Variants in RBFOX1 observed in about 807,000 individuals in gnomAD.
RBFOX1 encodes the protein RNA binding fox-1 homolog 1.
Under a neutral mutation model 57.7 loss-of-function variants are expected in RBFOX1, and 8 were observed. The ratio of observed to expected loss-of-function variants is 0.14; its 90% CI spans 0.08 to 0.25. The LOEUF (loss-of-function observed/expected upper bound fraction) is 0.25, where lower values mean the gene tolerates loss of function less well. Among genes scored for constraint, RBFOX1 ranks in the 10% least tolerant of loss-of-function variants. The pLI, the probability that RBFOX1 is intolerant of heterozygous loss-of-function variation, is 1.00. For synonymous variants in RBFOX1, 326 were observed against 222.4 expected, an observed-to-expected ratio of 1.47 and a Z score of -4.15; for missense variants, 611 against 548.5, an observed-to-expected ratio of 1.11 and a Z score of -1.14.
At chr16:6,500,153 T>A (rs539568125) in intron 2 of RBFOX1, among the ~76,000 whole-genome samples, 1 of 152,326 alleles carries the variant, frequency 6.6e-6, no homozygotes, top group African/African-American at 2.4e-5. Flanking sequence ...TAGAAACCTT[T>A]GAGTCACGCC....
intron 4 of RBFOX1, among the ~76,000 whole-genome samples, chr16:7,402,244 G>C (rs78654981): frequency 0.066 from 10,104 of 152,220 alleles, 434 homozygotes; most frequent in East Asian, 0.19. Context: ...CTGTAAGGGA[G>C]GGTCAACTAA....
At chr16:6,745,461 C>A (rs1006788722) in intron 3 of RBFOX1, among the ~76,000 whole-genome samples, 2 of 152,052 alleles carry the variant, frequency 1.3e-5, no homozygotes, top group African/African-American at 2.4e-5. Flanking sequence ...CAAGAATGAG[C>A]AGATTTTGTT....
In RBFOX1 at chr16:6,173,920, T is replaced by G. The variant is rs534870623; in HGVS notation, c.-126-143075T>G. On this transcript the variant is annotated intron_variant, in intron 1 of 15. Transcript: ENST00000550418. ...GTTTGTTTTTTTTACTAATTATGAG[T>G]CAGAGGAAAGAGCTGTCCCTTTTGA... Among the ~76,000 whole-genome samples, 14 of 152,104 alleles carry G rather than the reference T, an allele frequency of 9.2e-5. No individual in the cohort carries two copies. The East Asian group carries it at 2.1e-3, about 23-fold the overall frequency.
intron 5 of RBFOX1, among the ~76,000 whole-genome samples, chr16:7,542,699 G>GAAAAA (rs59316335): frequency 5.4e-5 from 4 of 74,360 alleles, no homozygotes; most frequent in Non-Finnish European, 7.4e-5. Context: ...TACTAAAAAT[G>GAAAAA]AAAAAAAAAA....
chr16:5,724,438 A>G (rs1210782256), intron 3 of RBFOX1, among the ~76,000 whole-genome samples: 4 of 152,010 alleles, frequency 2.6e-5, no homozygotes, highest in African/African-American at 9.7e-5. Context: ...CTCTATGTCT[A>G]TGTCTTCGTG....
intron 4 of RBFOX1, among the ~76,000 whole-genome samples, chr16:5,987,132 G>C (rs1049273462): frequency 6.6e-6 from 1 of 152,120 alleles, no homozygotes; most frequent in African/African-American, 2.4e-5. Flanking sequence ...TAATGATGTC[G>C]AATACGTTCT....
intron 2 of RBFOX1, among the ~76,000 whole-genome samples, chr16:5,484,952 G>T (rs1478697099): frequency 2.0e-5 from 3 of 151,926 alleles, no homozygotes; most frequent in African/African-American, 7.3e-5. Flanking sequence ...TCAGCTACTT[G>T]GGAGTCTGAA....
chr16:7,171,856 G>A (rs1295887379), intron 4 of RBFOX1, among the ~76,000 whole-genome samples: 1 of 152,164 alleles, frequency 6.6e-6, no homozygotes, highest in African/African-American at 2.4e-5. Context: ...AGTTTAAAGT[G>A]GGATGATGAC....
intron 2 of RBFOX1, among the ~76,000 whole-genome samples, chr16:6,530,567 C>G (rs2096643694): frequency 1.3e-5 from 2 of 152,100 alleles, no homozygotes; most frequent in African/African-American, 4.8e-5. Flanking sequence ...TTTCACGCTG[C>G]TGATAAAGAC....
intron 3 of RBFOX1, among the ~76,000 whole-genome samples, chr16:6,871,951 G>A (rs1246288384): frequency 1.3e-5 from 2 of 148,996 alleles, no homozygotes; most frequent in South Asian, 4.2e-4. Context: ...GTGTGTGTGT[G>A]TGTGTGTGTG....
intron 4 of RBFOX1, among the ~76,000 whole-genome samples, chr16:7,493,075 C>G (rs974058985): frequency 8.5e-5 from 13 of 152,286 alleles, no homozygotes; most frequent in Non-Finnish European, 2.9e-5. Flanking sequence ...GATGGGGTTT[C>G]ACTATGTTGG....
At chr16:7,198,697 C>G (rs1250942472) in intron 4 of RBFOX1, among the ~76,000 whole-genome samples, 4 of 152,154 alleles carry the variant, frequency 2.6e-5, no homozygotes, top group Non-Finnish European at 4.4e-5. Context: ...ACAATCCACT[C>G]ACATGATAAC....
At chr16:7,197,651 A>T (rs771655412) in intron 4 of RBFOX1, among the ~76,000 whole-genome samples, 4 of 152,200 alleles carry the variant, frequency 2.6e-5, no homozygotes, top group African/African-American at 7.2e-5. Flanking sequence ...ATTATCCACA[A>T]TAGCTAAAAG....
intron 1 of RBFOX1, among the ~76,000 whole-genome samples, chr16:6,165,920 A>G (rs1192945877): frequency 1.3e-5 from 2 of 152,176 alleles, no homozygotes; most frequent in African/African-American, 2.4e-5. Flanking sequence ...AAACTTAGGT[A>G]CTGGAATTGC....
chr16:6,639,314 C>T (rs556339914), intron 2 of RBFOX1, among the ~76,000 whole-genome samples: 5 of 152,206 alleles, frequency 3.3e-5, no homozygotes, highest in East Asian at 1.9e-4. Flanking sequence ...TAAATAGTTT[C>T]GTTGAGTCCT....
At chr16:7,478,059 G>A (rs1361363895) in intron 4 of RBFOX1, among the ~76,000 whole-genome samples, 1 of 152,172 alleles carries the variant, frequency 6.6e-6, no homozygotes, top group East Asian at 1.9e-4. Flanking sequence ...TCGAATAAGT[G>A]CATTTCAAAT....
At chr16:7,293,153 A>C (rs1239637359) in intron 4 of RBFOX1, among the ~76,000 whole-genome samples, 1 of 152,226 alleles carries the variant, frequency 6.6e-6, no homozygotes, top group South Asian at 2.1e-4. Flanking sequence ...AGTCAACTGC[A>C]GATCAAAAAT....
chr16:6,623,601 C>A (rs1321724706), intron 2 of RBFOX1, among the ~76,000 whole-genome samples: 2 of 151,844 alleles, frequency 1.3e-5, no homozygotes, highest in Non-Finnish European at 2.9e-5. Flanking sequence ...CCCTGCCCCA[C>A]ACCCCACAAC....
At chr16:5,392,484 C>T (rs1237336093) in intron 1 of RBFOX1, among the ~76,000 whole-genome samples, 1 of 151,442 alleles carries the variant, frequency 6.6e-6, no homozygotes, top group African/African-American at 2.4e-5. Flanking sequence ...GTTACTCTGT[C>T]TACCCAATGT....
Sources: allele counts gnomAD v4.1 joint callset (sites outside exome capture counted in the v4.1 genomes callset), GRCh38; gene constraint gnomAD v4.1.1; transcripts MANE v1.5; gene names NCBI Gene and HGNC (gene_info 2026-07-23, HGNC 2026-07-21).